ATXN7: variants seen among roughly 807,000 people sequenced by gnomAD.
ATXN7 encodes the protein ataxin 7, also known as ataxin-7.
ATXN7 carries 12 observed loss-of-function variants against 70.5 expected under a neutral mutation model. That is an observed-to-expected ratio of 0.17 (90% confidence interval 0.11 to 0.28). The LOEUF (loss-of-function observed/expected upper bound fraction) is 0.28. ATXN7 is among the 10% of genes least tolerant of loss of function. ATXN7 has a pLI of 1.00. For synonymous variants in ATXN7, 498 were observed against 448.7 expected, an observed-to-expected ratio of 1.11 and a Z score of -1.39; for missense variants, 1,256 against 1,131.7, an observed-to-expected ratio of 1.11 and a Z score of -1.58.
intron 12 of ATXN7, 188 bp downstream of exon 12, chr3:63,996,671 C>G (rs2106807566): frequency 1.4e-6 from 1 of 695,580 alleles, no homozygotes; most frequent in Admixed American, 3.3e-5. Context: ...GTAAAACAGG[C>G]TCTTCTGCCA....
chr3:63,997,213 G>A (rs1161033983), intron 12 of ATXN7, among the ~76,000 whole-genome samples: 3 of 152,088 alleles, frequency 2.0e-5, no homozygotes, highest in East Asian at 1.9e-4. Context: ...AGCCAAGATC[G>A]CGCCACTGCA....
intron 4 of ATXN7, among the ~76,000 whole-genome samples, chr3:63,917,213 C>T (rs534124739): frequency 1.2e-4 from 18 of 152,252 alleles, no homozygotes; most frequent in African/African-American, 3.6e-4. Context: ...AGCCACTGCA[C>T]CTGGTTGACG....
At position 63,912,710 on chromosome 3, in the gene ATXN7, CA is replaced by C; in HGVS notation, c.113del (p.Gln38ArgfsTer52). The C allele has an allele frequency of 8.3e-7, 1 of 1,208,188 alleles. No homozygotes were observed. Among genetic ancestry groups the C allele is most frequent in the Non-Finnish European group, 1.0e-6 (1 of 962,758 alleles). The allele number at this position is 1,208,188 out of a possible 1,614,324, so 74.8% of individuals were successfully genotyped here. A position where few individuals can be genotyped will look rare whatever the true frequency, so the allele number is the denominator to read the frequency against. ...GCAGCAGCAGCAGCAGCAGCAGCAGCAGCAGCCGCCGCCTCCGCAGCCCCAG... is the reference window on the plus strand; with the variant it reads ...GCAGCAGCAGCAGCAGCAGCAGCAGCGCAGCCGCCGCCTCCGCAGCCCCAG... ...ARQQQQQQQQQQPPPPQPQRQ... is the reference protein window; with the variant it reads ...ARQQQQQQQQXQPPPPQPQRQ... On this transcript the variant is annotated frameshift_variant, in exon 3 of 13. Transcript: ENST00000674280. LOFTEE classifies it high-confidence loss of function.
At chr3:63,970,420 G>T (rs78887598) in intron 5 of ATXN7, among the ~76,000 whole-genome samples, 1 of 152,152 alleles carries the variant, frequency 6.6e-6, no homozygotes, top group African/African-American at 2.4e-5. Context: ...AAAAAAAAGG[G>T]TGTTATACTC....
At chr3:63,896,096 G>T (rs1479628347) in intron 1 of ATXN7, among the ~76,000 whole-genome samples, 1 of 152,012 alleles carries the variant, frequency 6.6e-6, no homozygotes, top group African/African-American at 2.4e-5. Context: ...GTACAAGTAT[G>T]ACTTGGCATG....
chr3:63,997,670 A>G (rs2075782429), intron 12 of ATXN7: 1 of 1,552,078 alleles, frequency 6.4e-7, no homozygotes, highest in African/African-American at 1.4e-5. Flanking sequence ...ACATCACCCC[A>G]GAGCCCTGAC....
chr3:63,999,253 T>C (rs1268929630), intron 12 of ATXN7, 197 bp from the exon 13 acceptor site: 2 of 548,422 alleles, frequency 3.6e-6, no homozygotes, highest in Non-Finnish European at 6.6e-6. Flanking sequence ...ATCTTTGCAA[T>C]GATTGTGCCC....
intron 1 of ATXN7, among the ~76,000 whole-genome samples, chr3:63,878,264 C>T (rs942712576): frequency 2.6e-5 from 4 of 152,160 alleles, no homozygotes; most frequent in Admixed American, 6.5e-5. Flanking sequence ...GATTCCTTGC[C>T]ATCAGCCAGA....
chr3:63,904,893 C>T (rs1353637440), intron 2 of ATXN7: 1 of 152,194 alleles, frequency 6.6e-6, no homozygotes. Flanking sequence ...TGCTAACACT[C>T]TTCATTTTCT....
chr3:63,874,360 C>T (rs1055609648), intron 1 of ATXN7, among the ~76,000 whole-genome samples: 6 of 152,154 alleles, frequency 3.9e-5, no homozygotes, highest in African/African-American at 7.2e-5. Context: ...CTTTAAAATA[C>T]GCATGTTAGA....
At chr3:63,958,327 A>G (rs1174403219) in intron 5 of ATXN7, among the ~76,000 whole-genome samples, 1 of 152,226 alleles carries the variant, frequency 6.6e-6, no homozygotes, top group Admixed American at 6.5e-5. Context: ...TTATATATTC[A>G]TATGAGAAAT....
intron 1 of ATXN7, among the ~76,000 whole-genome samples, chr3:63,881,241 C>T (rs941165165): frequency 1.0e-5 from 1 of 100,046 alleles, no homozygotes; most frequent in Non-Finnish European, 2.4e-5. Context: ...CTTAGCCATG[C>T]CTTTTTGTGA....
At chr3:63,985,524 T>G (rs572626610) in intron 8 of ATXN7, among the ~76,000 whole-genome samples, 1 of 152,350 alleles carries the variant, frequency 6.6e-6, no homozygotes, top group Non-Finnish European at 1.5e-5. Flanking sequence ...TCTATTAAGC[T>G]TGGTAGGGCT....
chr3:63,937,938 C>T (rs1420366607), intron 4 of ATXN7, among the ~76,000 whole-genome samples: 2 of 152,176 alleles, frequency 1.3e-5, no homozygotes, highest in Non-Finnish European at 1.5e-5. Flanking sequence ...GTACTTAGCA[C>T]ACTGTTTGGC....
intron 4 of ATXN7, among the ~76,000 whole-genome samples, chr3:63,913,986 C>T (rs1186609589): frequency 6.6e-6 from 1 of 152,038 alleles, no homozygotes; most frequent in Non-Finnish European, 1.5e-5. Flanking sequence ...TGCACTAGGC[C>T]TGGGCATACC....
rs908287587 is a variant in ATXN7, at chr3:64,001,561, A to G, written c.*2094A>G. On this transcript the variant is annotated 3_prime_UTR_variant, in exon 13 of 13. Coordinates refer to ENST00000674280, the MANE Select transcript of ATXN7 (RefSeq NM_001377405.1). The stretch of plus-strand genomic sequence containing the variant: ...CGATCATGTTGTTCCGAAAGATGTG[A>G]ATAGGATCCACAATAACAAGTTGAT... 3 of 152,270 alleles carry G rather than the reference A, an allele frequency of 2.0e-5. No individual in the cohort carries two copies. The highest frequency in any genetic ancestry group is 7.2e-5 in the African/African-American group (3 of 41,476). 9.4% of individuals were successfully genotyped at this position (152,270 alleles called of 1,614,324 possible). A position where few individuals can be genotyped will look rare whatever the true frequency, so the allele number is the denominator to read the frequency against.
chr3:63,990,137 TG>T (rs1469846423), intron 9 of ATXN7, 38 bp from the exon 10 acceptor site: 1 of 1,596,612 alleles, frequency 6.3e-7, no homozygotes, highest in Non-Finnish European at 8.6e-7. Context: ...GATTCCCAGG[TG>T]TGTGATCTGA....
At chr3:63,985,454 G>C (rs1278916763) in intron 8 of ATXN7, among the ~76,000 whole-genome samples, 2 of 152,168 alleles carry the variant, frequency 1.3e-5, no homozygotes, top group Non-Finnish European at 2.9e-5. Context: ...AGGATGACTT[G>C]ACTTTTTTTC....
rs796075533 is a variant in ATXN7 at position 63,904,670 on chromosome 3, C to CT, written c.-12+6177dup. The CT allele has an allele frequency of 1.3e-4, 20 of 152,296 alleles. 1 individual carries two copies. Among genetic ancestry groups the CT allele is most frequent in the African/African-American group, 4.6e-4 (19 of 41,558 alleles). 9.4% of individuals were successfully genotyped at this position (152,296 alleles called of 1,614,324 possible). On this transcript the variant is annotated intron_variant, in intron 2 of 12. Coordinates refer to ENST00000674280, the MANE Select transcript of ATXN7 (RefSeq NM_001377405.1). ...CATATGGGTTGTTTCCACCTTTTGGCTTTTAGGAATTACACTGCTAATGAA... is the reference window on the plus strand; with the variant it reads ...CATATGGGTTGTTTCCACCTTTTGGCTTTTTAGGAATTACACTGCTAATGAA...
Sources: gnomAD v4.1 joint callset for allele counts (sites outside exome capture counted in the v4.1 genomes callset) on GRCh38, gnomAD v4.1.1 for gene constraint, MANE v1.5 for transcripts, NCBI Gene and HGNC (gene_info 2026-07-23, HGNC 2026-07-21) for gene names.